Variants in RNF150 observed in about 807,000 individuals in gnomAD.
RNF150 encodes ring finger protein 150.
Under a neutral mutation model 39.3 loss-of-function variants are expected in RNF150, and 24 were observed. That is an observed-to-expected ratio of 0.61 (90% CI 0.44 to 0.86). RNF150 has a LOEUF of 0.86. Among genes scored for constraint, RNF150 ranks in the 40% least tolerant of loss-of-function variants. The pLI is 0.00. For synonymous variants in RNF150, 255 were observed against 227.3 expected, an observed-to-expected ratio of 1.12 and a Z score of -1.10; for missense variants, 502 against 587.8, an observed-to-expected ratio of 0.85 and a Z score of 1.51.
At chr4:141,076,363 T>G (rs1737895988) in intron 1 of RNF150, among the ~76,000 whole-genome samples, 1 of 152,172 alleles carries the variant, frequency 6.6e-6, no homozygotes, top group African/African-American at 2.4e-5. Context: ...AGTTTTCCTT[T>G]TCATCCTCTC....
At chr4:141,196,721 T>C (rs1323671188) in intron 1 of RNF150, among the ~76,000 whole-genome samples, 1 of 152,226 alleles carries the variant, frequency 6.6e-6, no homozygotes, top group Non-Finnish European at 1.5e-5. Context: ...GCAGTTGTAG[T>C]TGGCCTTGAC....
chr4:141,150,942 T>A (rs1315461351), intron 1 of RNF150, among the ~76,000 whole-genome samples: 1 of 152,132 alleles, frequency 6.6e-6, no homozygotes, highest in Non-Finnish European at 1.5e-5. Flanking sequence ...TTCTTTGTTT[T>A]TTTGGGTCAG....
At chr4:141,060,907 A>G (rs1458233984) in intron 1 of RNF150, among the ~76,000 whole-genome samples, 2 of 152,192 alleles carry the variant, frequency 1.3e-5, no homozygotes, top group Non-Finnish European at 2.9e-5. Context: ...CAAACACTGC[A>G]TGTTCTCACT....
At chr4:141,192,034 T>C (rs751513669) in intron 1 of RNF150, among the ~76,000 whole-genome samples, 3 of 152,288 alleles carry the variant, frequency 2.0e-5, no homozygotes, top group South Asian at 2.1e-4. Context: ...CTTTCTCCCT[T>C]TTCTGGTCAA....
chr4:140,919,698 T>C (rs1302331789), intron 5 of RNF150, among the ~76,000 whole-genome samples: 1 of 151,472 alleles, frequency 6.6e-6, no homozygotes, highest in Non-Finnish European at 1.5e-5. Flanking sequence ...TTAAAGTTCA[T>C]ATGGAACCAA....
intron 1 of RNF150, among the ~76,000 whole-genome samples, chr4:141,179,210 C>A (rs964681816): frequency 6.6e-6 from 1 of 152,114 alleles, no homozygotes; most frequent in Non-Finnish European, 1.5e-5. Context: ...GGTAGACAGT[C>A]AATCAGTATT....
At chr4:141,193,070 T>G (rs1027997905) in intron 1 of RNF150, among the ~76,000 whole-genome samples, 1 of 152,242 alleles carries the variant, frequency 6.6e-6, no homozygotes, top group African/African-American at 2.4e-5. Context: ...CTGCTTTTAG[T>G]TTTCTTCTTA....
chr4:141,190,929 C>G (rs1728101797), intron 1 of RNF150, among the ~76,000 whole-genome samples: 1 of 152,174 alleles, frequency 6.6e-6, no homozygotes, highest in Non-Finnish European at 1.5e-5. Flanking sequence ...TCAGTCCCTT[C>G]CTATTTTAAA....
chr4:141,133,098 G>A lies in RNF150; in HGVS notation c.-290C>T. On this transcript the variant is annotated 5_prime_UTR_variant, in exon 1 of 7. Transcript: ENST00000515673. ...GCGGGGCTTGCGGAGGAGTCCTGCT[G>A]CCGAGCGTCCTGCTCCTTCGCCCGG... is the stretch of plus-strand genomic sequence containing the variant. 5.6e-6 allele frequency: 2 copies of A among 357,482 alleles called. No individual in the cohort carries two copies. Among genetic ancestry groups the A allele is most frequent in the Admixed American group, 5.0e-5 (1 of 19,990 alleles). 22.1% of individuals were successfully genotyped at this position (357,482 alleles called of 1,614,324 possible). A position where few individuals can be genotyped will look rare whatever the true frequency, so the allele number is the denominator to read the frequency against.
At chr4:141,118,734 G>C (rs1047400005) in intron 1 of RNF150, among the ~76,000 whole-genome samples, 1 of 152,100 alleles carries the variant, frequency 6.6e-6, no homozygotes, top group Admixed American at 6.6e-5. Flanking sequence ...TTTGAGATAC[G>C]TGTTTTTCTG....
chr4:140,992,816 G>A (rs1015466638), intron 1 of RNF150, among the ~76,000 whole-genome samples: 1 of 152,248 alleles, frequency 6.6e-6, no homozygotes, highest in African/African-American at 2.4e-5. Flanking sequence ...GCTTCCTGGG[G>A]AAAAGAGTTG....
rs533670848 is a variant in RNF150, at chr4:141,138,875, C to G, written c.-6+73919G>C. Among the ~76,000 whole-genome samples, 9 of 152,288 alleles carry G rather than the reference C, an allele frequency of 5.9e-5. No individual in the cohort carries two copies. In the South Asian group the frequency reaches 1.9e-3, roughly 32 times the overall value. On this transcript the variant is annotated intron_variant, in intron 1 of 7. Transcript: ENST00000420921. ...TCAGGACAAGAAGAGTAGGAGGGAA[C>G]AGAGTCTAAAAATTTTAATATCCAA...
chr4:140,873,394 ACAG>A (rs770194821), intron 6 of RNF150, among the ~76,000 whole-genome samples: 6 of 152,090 alleles, frequency 3.9e-5, no homozygotes, highest in Non-Finnish European at 7.3e-5. Flanking sequence ...GAGCAGAAGA[ACAG>A]CAGAGGAAGG....
At chr4:141,004,461 G>GA in intron 1 of RNF150, among the ~76,000 whole-genome samples, 1 of 152,056 alleles carries the variant, frequency 6.6e-6, no homozygotes, top group Non-Finnish European at 1.5e-5. Flanking sequence ...GAAGAGGCAG[G>GA]AAATTATAAC....
In RNF150 at chr4:140,882,611, G is replaced by A. The variant is rs1729418396; in HGVS notation, c.1199-14232C>T. 2.6e-5 allele frequency among the ~76,000 whole-genome samples: 4 copies of A among 152,036 alleles called. No individual in the cohort carries two copies. The South Asian group carries it at 8.3e-4, about 32-fold the overall frequency. ...TTCATATATTTGGGTGCTCTGTTAG[G>A]TAAATATATATTAATAATTGTTATA... On this transcript the variant is annotated intron_variant, in intron 6 of 6. Coordinates refer to ENST00000515673, the MANE Select transcript of RNF150 (RefSeq NM_020724.2).
intron 4 of RNF150, among the ~76,000 whole-genome samples, chr4:140,937,889 A>G (rs1731919544): frequency 6.6e-6 from 1 of 152,198 alleles, no homozygotes; most frequent in South Asian, 2.1e-4. Flanking sequence ...TAAAACAGTA[A>G]GTCAAATCCT....
intron 1 of RNF150, among the ~76,000 whole-genome samples, chr4:141,023,628 T>A (rs1735582796): frequency 6.6e-6 from 1 of 152,198 alleles, no homozygotes; most frequent in African/African-American, 2.4e-5. Context: ...ATAAAAATTA[T>A]TGAGACAGTT....
chr4:140,984,598 ATGC>A (rs1733964088), intron 1 of RNF150, among the ~76,000 whole-genome samples: 1 of 152,132 alleles, frequency 6.6e-6, no homozygotes, highest in Non-Finnish European at 1.5e-5. Context: ...TCTATAACAG[ATGC>A]TGTCCATTAC....
chr4:140,874,890 T>C (rs1729090513), intron 6 of RNF150, among the ~76,000 whole-genome samples: 1 of 152,210 alleles, frequency 6.6e-6, no homozygotes, highest in South Asian at 2.1e-4. Context: ...GTCTTGAACT[T>C]CTGATCTCAA....
Sources: gnomAD v4.1 joint callset for allele counts (sites outside exome capture counted in the v4.1 genomes callset) on GRCh38, gnomAD v4.1.1 for gene constraint, MANE v1.5 for transcripts, NCBI Gene and HGNC (gene_info 2026-07-23, HGNC 2026-07-21) for gene names.